Variants in XDH observed in about 807,000 individuals in gnomAD.
XDH encodes xanthine dehydrogenase.
In XDH, 138 loss-of-function variants were observed where a neutral mutation model predicts 156.1. The observed-to-expected ratio is 0.88, with a 90% CI of 0.77 to 1.02. The LOEUF (loss-of-function observed/expected upper bound fraction) is 1.02, where lower values mean the gene tolerates loss of function less well. XDH is among the 50% of genes least tolerant of loss of function. The probability of loss-of-function intolerance (pLI) is 0.00; values close to 1 mark genes in which losing one functional copy is unlikely to be tolerated. For synonymous variants in XDH, 669 were observed against 625.7 expected (o/e 1.07, Z -1.03); for missense variants, 1,849 against 1,684.9 (o/e 1.10, Z -1.71).
intron 10 of XDH, 98 bp from the exon 11 acceptor site, chr2:31,383,250 G>C (rs1262212583): frequency 3.2e-6 from 5 of 1,574,406 alleles, no homozygotes; most frequent in Non-Finnish European, 4.3e-6. Context: ...CTGGAGCAAG[G>C]CTGAATCAGG....
Position 31,350,175 on chromosome 2 carries a change from TG to T in XDH, c.2679del (p.Asn894ThrfsTer35). On this transcript the variant is annotated frameshift_variant, in exon 25 of 36. Transcript: ENST00000379416. LOFTEE classifies it high-confidence loss of function. ...CACAGCCGCCCAGTGCCCCGGATGT[TG>T]GGGATTTTATAGCAGTTGTCCATGT... ...LFHMDNCYKI[P>X]NIRGTGRLCK... is the part of the protein sequence containing the mutation. 6.2e-7 allele frequency: 1 copy of T among 1,614,132 alleles called. No homozygotes were observed. The highest frequency in any genetic ancestry group is 8.5e-7 in the Non-Finnish European group (1 of 1,180,036).
At chr2:31,399,216 T>C (rs1218304082) in intron 4 of XDH, among the ~76,000 whole-genome samples, 3 of 152,214 alleles carry the variant, frequency 2.0e-5, no homozygotes, top group Non-Finnish European at 2.9e-5. Context: ...TAGGGTTTTC[T>C]TAAGTTTGAG....
rs150847028 is a variant in XDH, at chr2:31,403,110, C to G, written c.135G>C (p.Glu45Asp). ...GLSGTKLGCG[E>D]GGCGACTVML... ...TCACTGTGCAAGCCCCGCAGCCCCC[C>G]TCTCCACAGCCGAGCTTGGTTCCAC... The change falls in exon 3 of 36, where the codon GAG becomes GAC. Residue 45 changes from glutamate (E) to aspartate (D), a missense_variant. Coordinates refer to ENST00000379416, the MANE Select transcript of XDH (RefSeq NM_000379.4). 2 of 1,614,066 alleles carry G rather than the reference C, an allele frequency of 1.2e-6. No individual in the cohort carries two copies. Among genetic ancestry groups the G allele is most frequent in the African/African-American group, 1.3e-5 (1 of 74,932 alleles).
At chr2:31,403,251 G>T in intron 2 of XDH, 107 bp from the exon 3 acceptor site, 2 of 1,222,476 alleles carry the variant, frequency 1.6e-6, no homozygotes, top group Non-Finnish European at 2.3e-6. Context: ...TCCCACACGT[G>T]CTCAGGCCCC....
At position 31,350,154 on chromosome 2, in the gene XDH, G is replaced by A. The variant is rs1685427916; in HGVS notation, c.2701C>T (p.Leu901=). The stretch of plus-strand genomic sequence containing the variant: ...TTGGAGGGAAGGTTGGTTTTGCACA[G>A]CCGCCCAGTGCCCCGGATGTTGGGG... ...KIPNIRGTGR[L]CKTNLPSNTA... is the part of the protein sequence containing the mutation. Residue 901 remains leucine, a synonymous_variant, in exon 25 of 36, where the codon CTG becomes TTG. Transcript: ENST00000379416. The A allele has an allele frequency of 6.2e-7, 1 of 1,614,228 alleles. No individual in the cohort carries two copies. Among genetic ancestry groups the A allele is most frequent in the Admixed American group, 1.7e-5 (1 of 60,030 alleles).
In XDH at chr2:31,335,930, C is replaced by A; in HGVS notation, c.*28G>T. 1 of 1,613,906 alleles carries A rather than the reference C, an allele frequency of 6.2e-7. No homozygotes were observed. Among genetic ancestry groups the A allele is most frequent in the Non-Finnish European group, 8.5e-7 (1 of 1,179,760 alleles). On this transcript the variant is annotated 3_prime_UTR_variant, in exon 36 of 36. Coordinates refer to ENST00000379416, the MANE Select transcript of XDH (RefSeq NM_000379.4). ...GCTCCATGGAAGCCCAAAGGCAGCA[C>A]AAGAAGACTCTGCTGAGGACTCTCT... is the stretch of plus-strand genomic sequence containing the variant.
At chr2:31,381,942 CTAAAAT>C (rs1401804975) in intron 11 of XDH, among the ~76,000 whole-genome samples, 2 of 152,170 alleles carry the variant, frequency 1.3e-5, no homozygotes, top group Admixed American at 6.5e-5. Context: ...GATCCCCACT[CTAAAAT>C]TTTAGCAGGC....
intron 18 of XDH, 94 bp from the exon 19 acceptor site, chr2:31,368,754 C>T: frequency 6.2e-7 from 1 of 1,607,174 alleles, no homozygotes. Flanking sequence ...GAAGTCCCTG[C>T]CCTCACAATC....
At chr2:31,390,316 A>C (rs1686727988) in intron 6 of XDH, among the ~76,000 whole-genome samples, 1 of 152,216 alleles carries the variant, frequency 6.6e-6, no homozygotes, top group Non-Finnish European at 1.5e-5. Flanking sequence ...GTAGCAATTA[A>C]GGTTTGTCTA....
At chr2:31,405,419 C>A (rs1687167486) in intron 2 of XDH, among the ~76,000 whole-genome samples, 1 of 152,142 alleles carries the variant, frequency 6.6e-6, no homozygotes, top group African/African-American at 2.4e-5. Context: ...TCCAGGGCTC[C>A]CTGTTTGCTG....
Position 31,365,571 on chromosome 2 carries a change from C to T in XDH, c.2457-27G>A, listed in dbSNP as rs17011353. The stretch of plus-strand genomic sequence containing the variant: ...TGGGGGTTACCGACAGTGTTAGAAG[C>T]CTGTGAGCCTTCAACAGCAGCTCAG... On this transcript the variant is annotated intron_variant, in intron 22 of 35. Coordinates refer to ENST00000379416, the MANE Select transcript of XDH (RefSeq NM_000379.4). 0.029 allele frequency: 46,479 copies of T among 1,613,606 alleles called. 1,007 individuals are homozygous for T. The highest frequency in any genetic ancestry group is 0.12 in the East Asian group (5,252 of 44,862).
At chr2:31,372,542 G>C (rs1322744690) in intron 16 of XDH, 145 bp from the exon 17 acceptor site, 2 of 1,029,214 alleles carry the variant, frequency 1.9e-6, no homozygotes, top group African/African-American at 3.2e-5. Context: ...TGGGGCAAAG[G>C]GAACAGGAAG....
At chr2:31,353,776 C>T (rs563014367) in intron 24 of XDH, among the ~76,000 whole-genome samples, 35 of 152,186 alleles carry the variant, frequency 2.3e-4, no homozygotes, top group Non-Finnish European at 4.0e-4. Flanking sequence ...AACGTAGTCT[C>T]ATTCCTACTC....
chr2:31,341,529 C>T, intron 32 of XDH, 135 bp from the exon 33 acceptor site: 1 of 926,674 alleles, frequency 1.1e-6, no homozygotes, highest in Non-Finnish European at 1.7e-6. Context: ...CCTGGGTGTG[C>T]TCAGGCAGAA....
chr2:31,395,327 T>C (rs1399919671), intron 6 of XDH, among the ~76,000 whole-genome samples: 2 of 152,100 alleles, frequency 1.3e-5, no homozygotes, highest in African/African-American at 2.4e-5. Flanking sequence ...TGTATTTCCC[T>C]TCCCACAGGT....
intron 35 of XDH, 123 bp downstream of exon 35, chr2:31,337,518 G>T (rs1456721967): frequency 7.1e-6 from 10 of 1,407,586 alleles, no homozygotes; most frequent in Admixed American, 1.7e-5. Flanking sequence ...GGTGGCCATT[G>T]ATGCAAGGCT....
At chr2:31,404,900 G>A (rs534341463) in intron 2 of XDH, among the ~76,000 whole-genome samples, 28 of 152,312 alleles carry the variant, frequency 1.8e-4, no homozygotes, top group South Asian at 1.7e-3. Context: ...ACTTCTGTGC[G>A]TGTTATAATA....
chr2:31,388,392 T>C lies in XDH; in HGVS notation c.496-97A>G, dbSNP rs901534539. ...ACTAATATCCAGAACACTCCAGCTCTGACGCCTGTCCCAGCATCAACAGCA... is the reference window on the plus strand; with the variant it reads ...ACTAATATCCAGAACACTCCAGCTCCGACGCCTGTCCCAGCATCAACAGCA... On this transcript the variant is annotated intron_variant, in intron 6 of 35. Transcript: ENST00000379416. The C allele has an allele frequency of 8.2e-5, 112 of 1,363,668 alleles. No individual in the cohort carries two copies. In the African/African-American group the frequency reaches 1.5e-3, roughly 19 times the overall value. 84.5% of individuals were successfully genotyped at this position (1,363,668 alleles called of 1,614,324 possible).
At chr2:31,342,118 G>T in intron 32 of XDH, 65 bp downstream of exon 32, 1 of 1,395,350 alleles carries the variant, frequency 7.2e-7, no homozygotes, top group Non-Finnish European at 1.0e-6. Context: ...TCAGCTCTAG[G>T]TATTACAACT....
Sources: gnomAD v4.1 joint callset for allele counts (sites outside exome capture counted in the v4.1 genomes callset) on GRCh38, gnomAD v4.1.1 for gene constraint, MANE v1.5 for transcripts, NCBI Gene and HGNC (gene_info 2026-07-23, HGNC 2026-07-21) for gene names.